The following TESC variants were observed in gnomAD, a reference collection of about 807,000 sequenced individuals.
TESC encodes the protein tescalcin, also known as calcineurin B homologous protein 3.
TESC carries 19 observed loss-of-function variants against 31.0 expected under a neutral mutation model. That is an observed-to-expected ratio of 0.61 (90% CI 0.43 to 0.90). The LOEUF is 0.90. Ranked by LOEUF, TESC falls within the 40% of genes least tolerant of loss-of-function variation. The pLI is 0.00. For missense variants in TESC, 248 were observed against 303.8 expected (o/e 0.82, Z 1.36); for synonymous variants, 109 against 114.8 (o/e 0.95, Z 0.32).
At chr12:117,080,751 C>T (rs1299578653) in intron 1 of TESC, among the ~76,000 whole-genome samples, 1 of 152,132 alleles carries the variant, frequency 6.6e-6, no homozygotes, top group Non-Finnish European at 1.5e-5. Context: ...CTAACTGCGC[C>T]CCCCCAACCC....
chr12:117,038,980 T>C lies in TESC; in HGVS notation c.*153A>G, dbSNP rs1164164422. The C allele has an allele frequency of 4.4e-6, 3 of 689,430 alleles. No individual in the cohort carries two copies. Among genetic ancestry groups the C allele is most frequent in the East Asian group, 2.8e-5 (1 of 35,654 alleles). 42.7% of individuals were successfully genotyped at this position (689,430 alleles called of 1,614,324 possible). A position where few individuals can be genotyped will look rare whatever the true frequency, so the allele number is the denominator to read the frequency against. ...GAGATAAAAACAGCGAAGTCCCACA[T>C]ACCATACCCTACAAGACACAAGGTG... On this transcript the variant is annotated 3_prime_UTR_variant, in exon 8 of 8. Coordinates refer to ENST00000335209, the MANE Select transcript of TESC (RefSeq NM_017899.4).
At chr12:117,070,646 C>CACTTAT (rs1212801611) in intron 2 of TESC, among the ~76,000 whole-genome samples, 1 of 152,138 alleles carries the variant, frequency 6.6e-6, no homozygotes, top group Non-Finnish European at 1.5e-5. Flanking sequence ...CCAGCTCCTC[C>CACTTAT]ACTTATGAGC....
chr12:117,039,980 G>C (rs1480899026), intron 7 of TESC, among the ~76,000 whole-genome samples: 1 of 152,234 alleles, frequency 6.6e-6, no homozygotes, highest in East Asian at 1.9e-4. Context: ...GGATGGGGGG[G>C]TGCCAACAGG....
intron 3 of TESC, among the ~76,000 whole-genome samples, chr12:117,052,766 A>AC (rs1415534883): frequency 8.8e-6 from 1 of 113,810 alleles, no homozygotes; most frequent in Non-Finnish European, 1.9e-5. Flanking sequence ...CACCCAACCC[A>AC]CCCCCAGGCT....
chr12:117,072,451 G>T (rs1954987465), intron 2 of TESC, among the ~76,000 whole-genome samples: 1 of 152,150 alleles, frequency 6.6e-6, no homozygotes, highest in Admixed American at 6.6e-5. Flanking sequence ...GAGGAGACCA[G>T]CTCAGAGAAA....
chr12:117,043,905 T>C (rs1954520460), intron 6 of TESC, among the ~76,000 whole-genome samples: 1 of 152,128 alleles, frequency 6.6e-6, no homozygotes, highest in Non-Finnish European at 1.5e-5. Flanking sequence ...TTGAGGGCTG[T>C]TTCTACTGGC....
chr12:117,086,598 A>G (rs923224497), intron 1 of TESC, among the ~76,000 whole-genome samples: 1 of 151,234 alleles, frequency 6.6e-6, no homozygotes, highest in Non-Finnish European at 1.5e-5. Flanking sequence ...GCACCCAGCT[A>G]ATTTTTTTAA....
At chr12:117,087,264 C>A (rs11068325) in intron 1 of TESC, among the ~76,000 whole-genome samples, 22,846 of 152,212 alleles carry the variant, frequency 0.15, 1,776 homozygotes, top group East Asian at 0.16. Context: ...TTCAGAGCAG[C>A]AGCAGCAGCA....
At chr12:117,068,253 G>A (rs914597080) in intron 2 of TESC, among the ~76,000 whole-genome samples, 3 of 152,068 alleles carry the variant, frequency 2.0e-5, no homozygotes, top group African/African-American at 7.2e-5. Flanking sequence ...TGAGGGCCTG[G>A]GTGTGGTGGC....
chr12:117,087,007 G>A (rs949130868), intron 1 of TESC, among the ~76,000 whole-genome samples: 6 of 152,182 alleles, frequency 3.9e-5, no homozygotes, highest in African/African-American at 1.2e-4. Context: ...GAGGCAGGGA[G>A]GGACAGCCTC....
At chr12:117,042,487 G>A (rs1954498910) in intron 6 of TESC, among the ~76,000 whole-genome samples, 2 of 152,216 alleles carry the variant, frequency 1.3e-5, no homozygotes, top group African/African-American at 4.8e-5. Context: ...CAGACCTCAG[G>A]GGAGAGGTCA....
intron 2 of TESC, among the ~76,000 whole-genome samples, chr12:117,070,884 G>A (rs781503775): frequency 1.2e-4 from 18 of 152,094 alleles, no homozygotes; most frequent in Non-Finnish European, 2.6e-4. Flanking sequence ...AGCAGGAGGA[G>A]CACTTGAGCC....
intron 4 of TESC, 200 bp downstream of exon 4, chr12:117,048,819 G>A: frequency 1.2e-6 from 1 of 811,270 alleles, no homozygotes; most frequent in Non-Finnish European, 2.0e-6. Context: ...AGCTGCTGAG[G>A]AATGTTTAGG....
intron 1 of TESC, among the ~76,000 whole-genome samples, chr12:117,079,336 T>A (rs1593018515): frequency 6.6e-6 from 1 of 151,274 alleles, no homozygotes; most frequent in African/African-American, 2.4e-5. Flanking sequence ...CTGAGGCGGG[T>A]GGATCACTTG....
Position 117,048,393 on chromosome 12 carries a change from G to A in TESC, c.349+626C>T, listed in dbSNP as rs139914770. On this transcript the variant is annotated intron_variant, in intron 4 of 7. Transcript: ENST00000335209. ...ATGTTTACATTTTCTTGATGAGGAG[G>A]CTGACCTGGGGCGGGACACAGAGGG... is the stretch of plus-strand genomic sequence containing the variant. Among the ~76,000 whole-genome samples, 21 of 152,312 alleles carry A rather than the reference G, an allele frequency of 1.4e-4. 1 individual carries two copies. The East Asian group carries it at 3.7e-3, about 27-fold the overall frequency.
chr12:117,083,144 G>A (rs1955171633), intron 1 of TESC, among the ~76,000 whole-genome samples: 1 of 151,776 alleles, frequency 6.6e-6, no homozygotes, highest in Non-Finnish European at 1.5e-5. Flanking sequence ...GGAGTACAGT[G>A]GCACAACCTT....
chr12:117,040,396 A>G (rs1954464883), intron 7 of TESC, among the ~76,000 whole-genome samples: 1 of 152,124 alleles, frequency 6.6e-6, no homozygotes. Context: ...GTCCCAAAAG[A>G]TCCCTCAGGG....
intron 1 of TESC, among the ~76,000 whole-genome samples, chr12:117,090,764 T>C (rs1955295625): frequency 6.6e-6 from 1 of 152,226 alleles, no homozygotes; most frequent in Admixed American, 6.5e-5. Context: ...CCCTTAGAAC[T>C]ACCAGGTGGG....
rs752914000 is a variant in TESC at position 117,039,053 on chromosome 12, C to G, written c.*80G>C. On this transcript the variant is annotated 3_prime_UTR_variant, in exon 8 of 8. Coordinates refer to ENST00000335209, the MANE Select transcript of TESC (RefSeq NM_017899.4). ...ACCGGCGCTGCAGGAAGAGGCTGTCCGCCGGGCCTGGGCTGCTCCAGCTAC... is the reference window on the plus strand; with the variant it reads ...ACCGGCGCTGCAGGAAGAGGCTGTCGGCCGGGCCTGGGCTGCTCCAGCTAC... 20 of 1,514,124 alleles carry G rather than the reference C, an allele frequency of 1.3e-5. No homozygotes were observed. In the African/African-American group the frequency reaches 1.8e-4, roughly 14 times the overall value. The allele number at this position is 1,514,124 out of a possible 1,614,324, so 93.8% of individuals were successfully genotyped here.
Sources: gnomAD v4.1 joint callset for allele counts (sites outside exome capture counted in the v4.1 genomes callset) on GRCh38, gnomAD v4.1.1 for gene constraint, MANE v1.5 for transcripts, NCBI Gene and HGNC (gene_info 2026-07-23, HGNC 2026-07-21) for gene names.